Variants in NAMPT observed in about 807,000 individuals in gnomAD.
NAMPT encodes nicotinamide phosphoribosyltransferase, also known as NAmPRTase.
In NAMPT, 7 loss-of-function variants were observed where a neutral mutation model predicts 58.7. The observed-to-expected ratio is 0.12, with a 90% CI of 0.07 to 0.22. The LOEUF (loss-of-function observed/expected upper bound fraction) is 0.22, where lower values mean the gene tolerates loss of function less well. Ranked by LOEUF, NAMPT falls within the 10% of genes least tolerant of loss-of-function variation. The pLI, the probability that NAMPT is intolerant of heterozygous loss-of-function variation, is 1.00. For synonymous variants in NAMPT, 145 were observed against 198.1 expected, an observed-to-expected ratio of 0.73 and a Z score of 2.25; for missense variants, 271 against 567.9, an observed-to-expected ratio of 0.48 and a Z score of 5.31.
rs1337325002 is a variant in NAMPT at position 106,248,676 on chromosome 7, A to G, written c.*2407T>C. 3 of 152,134 alleles carry G rather than the reference A, an allele frequency of 2.0e-5. No individual in the cohort carries two copies. Among genetic ancestry groups the G allele is most frequent in the African/African-American group, 7.2e-5 (3 of 41,446 alleles). 9.4% of individuals were successfully genotyped at this position (152,134 alleles called of 1,614,324 possible). A position where few individuals can be genotyped will look rare whatever the true frequency, so the allele number is the denominator to read the frequency against. ...ATATAAATACTTGATGATATAATCA[A>G]TCAAGAGGGATTAATTAATGTCAGT... On this transcript the variant is annotated 3_prime_UTR_variant, in exon 11 of 11. Coordinates refer to ENST00000222553, the MANE Select transcript of NAMPT (RefSeq NM_005746.3).
intron 1 of NAMPT, among the ~76,000 whole-genome samples, chr7:106,284,124 C>G (rs1792817053): frequency 2.0e-5 from 3 of 152,158 alleles, no homozygotes; most frequent in Admixed American, 1.3e-4. Context: ...TGTAATGACC[C>G]TAAAGCAGAT....
chr7:106,263,736 G>A (rs1792357749), intron 6 of NAMPT, 119 bp from the exon 7 acceptor site: 2 of 783,728 alleles, frequency 2.6e-6, no homozygotes, highest in South Asian at 1.7e-5. Flanking sequence ...GAGAAGGTGA[G>A]TGACTTAGTT....
Position 106,254,524 on chromosome 7 carries a change from C to T in NAMPT, c.1090-20G>A. 6.2e-7 allele frequency: 1 copy of T among 1,610,680 alleles called. No individual in the cohort carries two copies. Among genetic ancestry groups the T allele is most frequent in the East Asian group, 2.2e-5 (1 of 44,830 alleles). On this transcript the variant is annotated intron_variant, in intron 8 of 10. Transcript: ENST00000222553. ...TACAATCTAGAAGATTAAAACAAAACAAAACCAAACCAAACCTTAATTTGG... is the reference window on the plus strand; with the variant it reads ...TACAATCTAGAAGATTAAAACAAAATAAAACCAAACCAAACCTTAATTTGG...
At chr7:106,268,687 T>C in intron 5 of NAMPT, 87 bp from the exon 6 acceptor site, 1 of 896,154 alleles carries the variant, frequency 1.1e-6, no homozygotes, top group South Asian at 1.4e-5. Flanking sequence ...ATTTAAGGAA[T>C]ATAGCATAGC....
At chr7:106,282,348 A>C (rs748214255) in intron 1 of NAMPT, among the ~76,000 whole-genome samples, 7 of 152,180 alleles carry the variant, frequency 4.6e-5, no homozygotes, top group Admixed American at 4.6e-4. Context: ...GTCTTCTTTT[A>C]TAATACCCAA....
At chr7:106,252,800 G>A (rs968865087) in intron 10 of NAMPT, among the ~76,000 whole-genome samples, 7 of 151,990 alleles carry the variant, frequency 4.6e-5, no homozygotes, top group African/African-American at 1.4e-4. Flanking sequence ...CTATACTTAC[G>A]TAATATTTCT....
chr7:106,280,859 T>C (rs1368832851), intron 1 of NAMPT, among the ~76,000 whole-genome samples: 1 of 151,772 alleles, frequency 6.6e-6, no homozygotes, highest in Non-Finnish European at 1.5e-5. Flanking sequence ...GAGAATCGCT[T>C]GAACCTGGGA....
At chr7:106,267,028 T>C (rs2115773830) in intron 6 of NAMPT, among the ~76,000 whole-genome samples, 1 of 152,366 alleles carries the variant, frequency 6.6e-6, no homozygotes, top group East Asian at 1.9e-4. Context: ...TTCATTCTTG[T>C]GCTTTCATCA....
upstream of NAMPT, chr7:106,285,567 C>G: frequency 1.0e-6 from 1 of 985,920 alleles, no homozygotes; most frequent in Non-Finnish European, 1.2e-6. Context: ...GATTAAGGAT[C>G]CAGCCTTTCG....
chr7:106,261,576 TA>T lies in NAMPT; in HGVS notation c.1089+11del. 6.5e-7 allele frequency: 1 copy of T among 1,528,356 alleles called. No homozygotes were observed. Among genetic ancestry groups the T allele is most frequent in the Non-Finnish European group, 9.0e-7 (1 of 1,117,298 alleles). 94.7% of individuals were successfully genotyped at this position (1,528,356 alleles called of 1,614,324 possible). On this transcript the variant is annotated intron_variant, in intron 8 of 10. Transcript: ENST00000222553. ...AAATGCCTTATTGAAACTTTTAATA[TA>T]AAACACATACCTCTTGTAAGGTATT...
At chr7:106,272,783 T>G (rs1256644247) in intron 3 of NAMPT, 125 bp from the exon 4 acceptor site, 4 of 959,966 alleles carry the variant, frequency 4.2e-6, no homozygotes, top group Non-Finnish European at 6.3e-6. Context: ...CAATTGTAGA[T>G]GTTACTGTAA....
At position 106,249,371 on chromosome 7, in the gene NAMPT, CTATT is replaced by C. The variant is rs1362400165; in HGVS notation, c.*1708_*1711del. On this transcript the variant is annotated 3_prime_UTR_variant, in exon 11 of 11. Coordinates refer to ENST00000222553, the MANE Select transcript of NAMPT (RefSeq NM_005746.3). ...TTCTAGTGATCATTTTCTCATGTAA[CTATT>C]TAAAACAGATGATTTATGGCTTTTC... is the stretch of plus-strand genomic sequence containing the variant. The C allele has an allele frequency of 4.6e-5, 7 of 152,428 alleles. No individual in the cohort carries two copies. The highest frequency in any genetic ancestry group is 1.7e-4 in the African/African-American group (7 of 41,396). The allele number at this position is 152,428 out of a possible 1,614,324, so 9.4% of individuals were successfully genotyped here.
At chr7:106,277,279 TTTC>T in intron 1 of NAMPT, 100 bp from the exon 2 acceptor site, 1 of 1,028,486 alleles carries the variant, frequency 9.7e-7, no homozygotes. Flanking sequence ...AGAAACTATA[TTTC>T]TTGTTTGCTA....
At chr7:106,255,716 A>C (rs779931226) in intron 8 of NAMPT, among the ~76,000 whole-genome samples, 2 of 152,198 alleles carry the variant, frequency 1.3e-5, no homozygotes, top group Non-Finnish European at 2.9e-5. Context: ...ATCCAGTCTC[A>C]TGTCTTTATT....
intron 1 of NAMPT, among the ~76,000 whole-genome samples, chr7:106,279,968 A>T (rs1192766221): frequency 6.6e-6 from 1 of 152,158 alleles, no homozygotes; most frequent in Non-Finnish European, 1.5e-5. Context: ...GGGTGGGGAC[A>T]GTAAGAACAC....
At position 106,284,952 on chromosome 7, in the gene NAMPT, G is replaced by A. The variant is rs1169561028; in HGVS notation, c.-68C>T. 3.9e-6 allele frequency: 6 copies of A among 1,544,840 alleles called. No homozygotes were observed. In the Admixed American group the frequency reaches 7.8e-5, roughly 20 times the overall value. The stretch of plus-strand genomic sequence containing the variant: ...CGCGGCTGCGAGGAAGGAGAAAAAT[G>A]AGCTTCACCGCGCTCCGTTGCTTAA... On this transcript the variant is annotated 5_prime_UTR_variant, in exon 1 of 11. Coordinates refer to ENST00000222553, the MANE Select transcript of NAMPT (RefSeq NM_005746.3).
At chr7:106,276,974 G>T in intron 2 of NAMPT, 49 bp downstream of exon 2, 1 of 1,391,274 alleles carries the variant, frequency 7.2e-7, no homozygotes, top group Admixed American at 1.7e-5. Context: ...ACTCCTAAAG[G>T]AGTTAAGAGT....
At chr7:106,280,042 G>A (rs1792731042) in intron 1 of NAMPT, among the ~76,000 whole-genome samples, 1 of 152,166 alleles carries the variant, frequency 6.6e-6, no homozygotes, top group Admixed American at 6.5e-5. Flanking sequence ...CAAGGAGCCT[G>A]GATTTTATAC....
chr7:106,267,872 A>AAAAAAAAAAAC (rs1562815992), intron 6 of NAMPT, among the ~76,000 whole-genome samples: 3 of 136,200 alleles, frequency 2.2e-5, no homozygotes, highest in Admixed American at 7.4e-5. Flanking sequence ...AAAAAAAAAA[A>AAAAAAAAAAAC]AAAACAACCT....
Sources: allele counts gnomAD v4.1 joint callset (sites outside exome capture counted in the v4.1 genomes callset), GRCh38; gene constraint gnomAD v4.1.1; transcripts MANE v1.5; gene names NCBI Gene and HGNC (gene_info 2026-07-23, HGNC 2026-07-21).